IQSEC1: variants seen among roughly 807,000 people sequenced by gnomAD.
IQSEC1 encodes the protein IQ motif and Sec7 domain ArfGEF 1.
Under a neutral mutation model 91.0 loss-of-function variants are expected in IQSEC1, and 31 were observed. The observed-to-expected ratio is 0.34, with a 90% CI of 0.26 to 0.46. The LOEUF is 0.46. Ranked by LOEUF, IQSEC1 falls within the 20% of genes least tolerant of loss-of-function variation. The pLI is 1.00. For missense variants in IQSEC1, 1,388 were observed against 1,575.6 expected, an observed-to-expected ratio of 0.88 and a Z score of 2.02; for synonymous variants, 699 against 662.6, an observed-to-expected ratio of 1.05 and a Z score of -0.84.
chr3:12,993,178 C>G (rs1364127307), intron 1 of IQSEC1, among the ~76,000 whole-genome samples: 4 of 152,318 alleles, frequency 2.6e-5, no homozygotes, highest in African/African-American at 9.6e-5. Flanking sequence ...AGCCAACTCT[C>G]CTGGAGGTCT....
chr3:12,959,876 A>G (rs557348816), intron 1 of IQSEC1, among the ~76,000 whole-genome samples: 26 of 152,358 alleles, frequency 1.7e-4, no homozygotes, highest in African/African-American at 5.1e-4. Context: ...ATCAAGGTCC[A>G]TTATCTTCTT....
intron 1 of IQSEC1, among the ~76,000 whole-genome samples, chr3:13,198,327 G>C (rs1005103367): frequency 2.0e-5 from 3 of 152,026 alleles, no homozygotes; most frequent in African/African-American, 7.2e-5. Flanking sequence ...TATTTAAAGA[G>C]TAATTCTGAA....
intron 1 of IQSEC1, among the ~76,000 whole-genome samples, chr3:12,991,518 C>T (rs1180104241): frequency 6.6e-6 from 1 of 152,136 alleles, no homozygotes; most frequent in African/African-American, 2.4e-5. Context: ...TAGGAATGAG[C>T]AGCCCCCCAC....
rs370128142 is a variant in IQSEC1 at position 13,250,760 on chromosome 3, C to T, written c.272+31951G>A. Among the ~76,000 whole-genome samples the T allele has an allele frequency of 3.2e-4, 49 of 151,894 alleles. 1 individual carries two copies. In the East Asian group the frequency reaches 4.5e-3, roughly 14 times the overall value. ...GGGATTGCAGGCATGAGCCACCGCA[C>T]CTGGCCAGCCCCACTTTCAAGGGAC... On this transcript the variant is annotated intron_variant, in intron 1 of 15. Transcript: ENST00000648114.
chr3:13,115,958 A>G (rs1458219448), intron 2 of IQSEC1, among the ~76,000 whole-genome samples: 1 of 152,238 alleles, frequency 6.6e-6, no homozygotes, highest in Non-Finnish European at 1.5e-5. Flanking sequence ...GGGAGCCCCC[A>G]GAATGCTATG....
At chr3:13,132,275 C>T (rs1559261522) in intron 2 of IQSEC1, among the ~76,000 whole-genome samples, 1 of 152,178 alleles carries the variant, frequency 6.6e-6, no homozygotes, top group African/African-American at 2.4e-5. Context: ...ATGCTTTAAC[C>T]AACACTTTAT....
rs756132332 is a variant in IQSEC1 at position 12,915,658 on chromosome 3, T to G, written c.2096A>C (p.Lys699Thr). The G allele has an allele frequency of 3.7e-6, 6 of 1,614,150 alleles. No individual in the cohort carries two copies. Among genetic ancestry groups the G allele is most frequent in the Non-Finnish European group, 5.1e-6 (6 of 1,180,012 alleles). Reference sequence around the variant, plus strand: ...CTGGGACACATGGTCCTCATTGGTCTTTAGCTCTCGCTTACGGATCCGTTC... The same window carrying G: ...CTGGGACACATGGTCCTCATTGGTCGTTAGCTCTCGCTTACGGATCCGTTC... Reference protein sequence around the residue: ...IYERIRKRELKTNEDHVSQVQ... With the variant: ...IYERIRKRELTTNEDHVSQVQ... The change falls in exon 7 of 14, where the codon AAG (lysine) becomes ACG (threonine). Residue 699 changes from lysine (K) to threonine (T), a missense_variant. Around this residue, in one of 2 missense-constraint regions of IQSEC1, gnomAD observed 1,059 missense variants for 1,317.8 expected, o/e 0.80. Transcript: ENST00000613206.
intron 1 of IQSEC1, among the ~76,000 whole-genome samples, chr3:12,991,244 G>C (rs1701975338): frequency 1.3e-5 from 2 of 152,222 alleles, no homozygotes; most frequent in South Asian, 4.1e-4. Flanking sequence ...CATGGATGAG[G>C]GTGATGAAGG....
chr3:12,930,287 C>T (rs1373033828), intron 3 of IQSEC1, among the ~76,000 whole-genome samples: 4 of 152,192 alleles, frequency 2.6e-5, no homozygotes, highest in Non-Finnish European at 5.9e-5. Flanking sequence ...CAGCTGGGAC[C>T]ACAGGCATGT....
At chr3:12,999,704 A>G (rs1287783251) in intron 1 of IQSEC1, among the ~76,000 whole-genome samples, 1 of 152,102 alleles carries the variant, frequency 6.6e-6, no homozygotes, top group Non-Finnish European at 1.5e-5. Flanking sequence ...CTCAGTTCCC[A>G]TTGTCTCTGC....
Position 12,973,478 on chromosome 3 carries a change from G to A in IQSEC1, c.24-31613C>T, listed in dbSNP as rs566669153. ...GCACCTCGACGGTAGGGAACATTGC[G>A]CTCCATGCACCTTCCTGGTGGTGGG... On this transcript the variant is annotated intron_variant, in intron 1 of 13. Transcript: ENST00000613206. 3.9e-5 allele frequency among the ~76,000 whole-genome samples: 6 copies of A among 152,214 alleles called. No homozygotes were observed. The East Asian group carries it at 9.7e-4, about 25-fold the overall frequency.
rs1704125431 is a variant in IQSEC1 at position 13,038,411 on chromosome 3, A to T, written c.23+34581T>A. On this transcript the variant is annotated intron_variant, in intron 1 of 13. Coordinates refer to ENST00000613206, the MANE Select transcript of IQSEC1 (RefSeq NM_001134382.3). ...GCCAGGTACAGAAAAACAAAATATCACATGTTCTCACTTATTTGTGGGATC... is the reference window on the plus strand; with the variant it reads ...GCCAGGTACAGAAAAACAAAATATCTCATGTTCTCACTTATTTGTGGGATC... 2.0e-5 allele frequency among the ~76,000 whole-genome samples: 3 copies of T among 151,546 alleles called. No homozygotes were observed. In the South Asian group the frequency reaches 6.2e-4, roughly 32 times the overall value.
At chr3:13,170,032 G>A (rs1454529804) in intron 1 of IQSEC1, among the ~76,000 whole-genome samples, 3 of 152,230 alleles carry the variant, frequency 2.0e-5, no homozygotes, top group Non-Finnish European at 4.4e-5. Flanking sequence ...AATGTCAAGA[G>A]GTCTTCACAG....
chr3:12,948,014 T>C (rs1444946033), intron 1 of IQSEC1, among the ~76,000 whole-genome samples: 2 of 152,248 alleles, frequency 1.3e-5, no homozygotes, highest in Non-Finnish European at 2.9e-5. Context: ...CCAGGCTTTC[T>C]GCCAAGCAAG....
At chr3:12,934,684 A>AAGTG (rs1271019341) in intron 3 of IQSEC1, among the ~76,000 whole-genome samples, 1 of 152,096 alleles carries the variant, frequency 6.6e-6, no homozygotes, top group Non-Finnish European at 1.5e-5. Context: ...TCCCCAGGCC[A>AAGTG]AGTGCTCAGC....
intron 1 of IQSEC1, among the ~76,000 whole-genome samples, chr3:12,953,172 T>C (rs1699672293): frequency 6.6e-6 from 1 of 152,182 alleles, no homozygotes; most frequent in African/African-American, 2.4e-5. Flanking sequence ...TCCCACCCTG[T>C]GCCTGGCTGC....
intron 4 of IQSEC1, among the ~76,000 whole-genome samples, chr3:12,923,395 G>C (rs1696810446): frequency 6.6e-6 from 1 of 152,194 alleles, no homozygotes. Context: ...GCTTCAAAGA[G>C]GGGAGGGGGC....
chr3:13,124,568 G>T (rs1262660016), intron 2 of IQSEC1, among the ~76,000 whole-genome samples: 1 of 152,210 alleles, frequency 6.6e-6, no homozygotes, highest in Non-Finnish European at 1.5e-5. Flanking sequence ...TAATGGCACT[G>T]CCCCCTTCCA....
intron 1 of IQSEC1, among the ~76,000 whole-genome samples, chr3:13,194,813 C>G (rs1383749862): frequency 6.6e-6 from 1 of 152,170 alleles, no homozygotes; most frequent in Non-Finnish European, 1.5e-5. Context: ...GCAGGCAATA[C>G]GAGCAAACTC....
Sources: allele counts gnomAD v4.1 joint callset (sites outside exome capture counted in the v4.1 genomes callset), GRCh38; gene constraint gnomAD v4.1.1; regional missense constraint gnomAD v4.1.1; transcripts MANE v1.5; gene names NCBI Gene and HGNC (gene_info 2026-07-23, HGNC 2026-07-21).